HAAO: variants seen among roughly 807,000 people sequenced by gnomAD.
The protein encoded by HAAO is 3-hydroxyanthranilate 3,4-dioxygenase.
Under a neutral mutation model 46.2 loss-of-function variants are expected in HAAO, and 49 were observed. The observed-to-expected ratio is 1.06, with a 90% confidence interval of 0.84 to 1.34. The LOEUF is 1.34. HAAO is among the 40% of genes most tolerant of loss of function. The probability of loss-of-function intolerance (pLI) is 0.00; values close to 1 mark genes in which losing one functional copy is unlikely to be tolerated. For synonymous variants in HAAO, 157 were observed against 145.2 expected, an observed-to-expected ratio of 1.08 and a Z score of -0.58; for missense variants, 408 against 364.5, an observed-to-expected ratio of 1.12 and a Z score of -0.97.
At chr2:42,772,228 C>A (rs1671184495) in intron 4 of HAAO, among the ~76,000 whole-genome samples, 1 of 152,084 alleles carries the variant, frequency 6.6e-6, no homozygotes, top group Non-Finnish European at 1.5e-5. Flanking sequence ...CAACTGTAAT[C>A]CCAGCACTTT....
intron 1 of HAAO, among the ~76,000 whole-genome samples, chr2:42,789,686 C>T (rs1558677952): frequency 6.6e-6 from 1 of 152,208 alleles, no homozygotes; most frequent in South Asian, 2.1e-4. Flanking sequence ...GTCTCAGGCT[C>T]CTTGACTCCC....
chr2:42,781,734 T>G (rs1275416705), intron 4 of HAAO, among the ~76,000 whole-genome samples: 1 of 151,920 alleles, frequency 6.6e-6, no homozygotes, highest in Non-Finnish European at 1.5e-5. Context: ...ATTAGCCGGG[T>G]GTGGTGGCGG....
chr2:42,787,265 A>C (rs1001541241), intron 2 of HAAO, among the ~76,000 whole-genome samples: 4 of 152,154 alleles, frequency 2.6e-5, no homozygotes, highest in African/African-American at 9.7e-5. Context: ...GGCATGGAGC[A>C]GAGGCAGCAG....
rs1215210499 is a variant in HAAO, at chr2:42,767,938, G to A, written c.631-10C>T. 3.7e-6 allele frequency: 6 copies of A among 1,613,024 alleles called. No individual in the cohort carries two copies. The highest frequency in any genetic ancestry group is 5.1e-6 in the Non-Finnish European group (6 of 1,179,122). The stretch of plus-strand genomic sequence containing the variant: ...GCCCATAGGCGATCACCTGGTGGGA[G>A]GTGAAACAGAAACTTCTGGTGCTTC... On this transcript the variant is annotated splice_polypyrimidine_tract_variant and intron_variant, in intron 7 of 9. Coordinates refer to ENST00000294973, the MANE Select transcript of HAAO (RefSeq NM_012205.3).
At chr2:42,770,388 T>G in intron 5 of HAAO, 105 bp downstream of exon 5, 1 of 984,138 alleles carries the variant, frequency 1.0e-6, no homozygotes, top group Non-Finnish European at 1.5e-6. Flanking sequence ...GTGGGCTCTC[T>G]GGGCCAGGAT....
chr2:42,767,354 G>T lies in HAAO; in HGVS notation c.*83C>A. The T allele has an allele frequency of 1.1e-6, 1 of 908,476 alleles. No homozygotes were observed. Among genetic ancestry groups the T allele is most frequent in the Non-Finnish European group, 1.8e-6 (1 of 554,896 alleles). 56.3% of individuals were successfully genotyped at this position (908,476 alleles called of 1,614,324 possible). On this transcript the variant is annotated 3_prime_UTR_variant, in exon 10 of 10. Transcript: ENST00000294973. ...CAGCGGCAGTACACAGAGAGGTAGT[G>T]GGGGCTGGGAGAGTTGTTTGGCAGG...
At chr2:42,779,420 C>A (rs1671826483) in intron 4 of HAAO, among the ~76,000 whole-genome samples, 1 of 151,810 alleles carries the variant, frequency 6.6e-6, no homozygotes, top group Non-Finnish European at 1.5e-5. Flanking sequence ...CTCCCGGGTT[C>A]AAGCAGTTCT....
At chr2:42,788,213 G>A (rs564061320) in intron 2 of HAAO, among the ~76,000 whole-genome samples, 5 of 152,300 alleles carry the variant, frequency 3.3e-5, no homozygotes, top group East Asian at 3.9e-4. Flanking sequence ...GGACCAGGAC[G>A]TCCCCCTTCA....
At chr2:42,791,937 T>TGTGTGG (rs1672834030) in intron 1 of HAAO, among the ~76,000 whole-genome samples, 1 of 151,848 alleles carries the variant, frequency 6.6e-6, no homozygotes, top group Non-Finnish European at 1.5e-5. Context: ...TGTGTGTGTG[T>TGTGTGG]GTGTTCGTGC....
chr2:42,790,777 C>A (rs1044189668), intron 1 of HAAO, among the ~76,000 whole-genome samples: 31 of 152,290 alleles, frequency 2.0e-4, no homozygotes, highest in African/African-American at 6.7e-4. Context: ...AATGATCCAC[C>A]CACCTCAGCC....
At chr2:42,792,308 T>C (rs1455518653) in intron 1 of HAAO, 149 bp downstream of exon 1, 1 of 496,848 alleles carries the variant, frequency 2.0e-6, no homozygotes, top group Non-Finnish European at 3.6e-6. Context: ...CGGAACAGCC[T>C]GTCTCCATCT....
intron 1 of HAAO, among the ~76,000 whole-genome samples, chr2:42,791,122 G>C (rs751630529): frequency 6.6e-6 from 1 of 152,174 alleles, no homozygotes; most frequent in African/African-American, 2.4e-5. Context: ...ATGTAGTTAG[G>C]TTAGGATGAG....
intron 7 of HAAO, among the ~76,000 whole-genome samples, chr2:42,768,568 C>T (rs553510610): frequency 5.1e-4 from 77 of 152,276 alleles, no homozygotes; most frequent in Non-Finnish European, 9.9e-4. Context: ...CAGGCCTCTA[C>T]GGGAAGCCTG....
At chr2:42,783,737 G>T (rs567248567) in intron 3 of HAAO, 47 bp downstream of exon 3, 6 of 1,515,972 alleles carry the variant, frequency 4.0e-6, no homozygotes, top group Admixed American at 1.8e-5. Context: ...GCGGATTCCA[G>T]CTGTGGCCGC....
At chr2:42,770,018 C>A in intron 6 of HAAO, 125 bp downstream of exon 6, 1 of 1,111,618 alleles carries the variant, frequency 9.0e-7, no homozygotes, top group African/African-American at 1.6e-5. Context: ...TGGCTGCCAT[C>A]TTCTTAGTAC....
At chr2:42,790,276 T>C (rs10193013) in intron 1 of HAAO, among the ~76,000 whole-genome samples, 121,540 of 151,846 alleles carry the variant, frequency 0.8, 49,029 homozygotes, top group Middle Eastern at 0.93. Context: ...TGGATGAGGT[T>C]GCAGGGCAGG....
Position 42,767,823 on chromosome 2 carries a change from AG to A in HAAO, c.699+36del, listed in dbSNP as rs770606797. On this transcript the variant is annotated intron_variant, in intron 8 of 9. Transcript: ENST00000294973. Reference sequence around the variant, plus strand: ...GAGGAGCGGGCTGATGCCCTCTGGCAGGGGGTTCTGCAACCCTGTCCCTGGG... The same window carrying A: ...GAGGAGCGGGCTGATGCCCTCTGGCAGGGGTTCTGCAACCCTGTCCCTGGG... 1.4e-5 allele frequency: 23 copies of A among 1,603,622 alleles called. No individual in the cohort carries two copies. The East Asian group carries it at 3.8e-4, about 26-fold the overall frequency.
chr2:42,792,555 C>CT lies in HAAO; in HGVS notation c.-20dup. 2 of 1,528,940 alleles carry CT rather than the reference C, an allele frequency of 1.3e-6. No homozygotes were observed. Among genetic ancestry groups the CT allele is most frequent in the Middle Eastern group, 1.9e-4 (1 of 5,382 alleles). The allele number at this position is 1,528,940 out of a possible 1,614,324, so 94.7% of individuals were successfully genotyped here. A position where few individuals can be genotyped will look rare whatever the true frequency, so the allele number is the denominator to read the frequency against. ...GCTCCATGACTGTCCCGGGCGCCTC[C>CT]TCGCAGCGCTGTCCTCCCGCCGTCG... On this transcript the variant is annotated 5_prime_UTR_variant, in exon 1 of 10. Coordinates refer to ENST00000294973, the MANE Select transcript of HAAO (RefSeq NM_012205.3).
At position 42,783,945 on chromosome 2, in the gene HAAO, T is replaced by C. The variant is rs1672206006; in HGVS notation, c.160-78A>G. 3 of 1,548,532 alleles carry C rather than the reference T, an allele frequency of 1.9e-6. No individual in the cohort carries two copies. The Admixed American group carries it at 5.9e-5, about 30-fold the overall frequency. On this transcript the variant is annotated intron_variant, in intron 2 of 9. Transcript: ENST00000294973. ...TGGCCACTGCCCAGGCCCTGAATTCTGACCGGGAAACCTGAGAAACTTTCT... is the reference window on the plus strand; with the variant it reads ...TGGCCACTGCCCAGGCCCTGAATTCCGACCGGGAAACCTGAGAAACTTTCT...
Sources: gnomAD v4.1 joint callset for allele counts (sites outside exome capture counted in the v4.1 genomes callset) on GRCh38, gnomAD v4.1.1 for gene constraint, MANE v1.5 for transcripts, NCBI Gene and HGNC (gene_info 2026-07-23, HGNC 2026-07-21) for gene names.